NOC3L: variants seen among roughly 807,000 people sequenced by gnomAD.
NOC3L encodes nucleolar complex protein 3 homolog.
NOC3L carries 85 observed loss-of-function variants against 102.5 expected under a neutral mutation model. The ratio of observed to expected loss-of-function variants is 0.83; its 90% CI spans 0.70 to 0.99. The LOEUF (loss-of-function observed/expected upper bound fraction) is 0.99, where lower values mean the gene tolerates loss of function less well. NOC3L is among the 50% of genes least tolerant of loss of function. NOC3L has a pLI of 0.00. For synonymous variants in NOC3L, 303 were observed against 309.4 expected (o/e 0.98, Z 0.22); for missense variants, 878 against 914.9 (o/e 0.96, Z 0.52).
chr10:94,362,699 T>G, intron 1 of NOC3L, 131 bp downstream of exon 1: 5 of 936,108 alleles, frequency 5.3e-6, no homozygotes, highest in Middle Eastern at 5.7e-4. Context: ...GTGTAAGGAA[T>G]GGAAAGCCCC....
At chr10:94,337,464 T>A (rs1296094887) in intron 19 of NOC3L, among the ~76,000 whole-genome samples, 1 of 152,194 alleles carries the variant, frequency 6.6e-6, no homozygotes, top group East Asian at 1.9e-4. Context: ...TATTCATTGT[T>A]GAACCTGAGT....
chr10:94,344,111 T>C (rs569526662), intron 13 of NOC3L, among the ~76,000 whole-genome samples: 2 of 152,130 alleles, frequency 1.3e-5, no homozygotes, highest in Admixed American at 1.3e-4. Context: ...ACTCAAACTA[T>C]GACGATGGGC....
At chr10:94,326,744 A>G in the NOC3L span, among the ~76,000 whole-genome samples, 1 of 152,158 alleles carries the variant, frequency 6.6e-6, no homozygotes, top group African/African-American at 2.4e-5. Flanking sequence ...TTTAGATTCT[A>G]TTGTCCTGTA....
At chr10:94,354,937 A>G in intron 6 of NOC3L, 26 bp downstream of exon 6, 1 of 1,607,434 alleles carries the variant, frequency 6.2e-7, no homozygotes, top group Non-Finnish European at 8.5e-7. Context: ...TAATACAAAG[A>G]GCCTAAAGAA....
At chr10:94,346,391 AT>A in intron 11 of NOC3L, 33 bp downstream of exon 11, 1 of 1,416,608 alleles carries the variant, frequency 7.1e-7, no homozygotes, top group Non-Finnish European at 9.4e-7. Context: ...TAAACAGAAA[AT>A]TTAAATGAAA....
At chr10:94,361,377 T>G in intron 2 of NOC3L, 1 of 387,838 alleles carries the variant, frequency 2.6e-6, no homozygotes, top group Non-Finnish European at 4.6e-6. Context: ...CCAATATTTA[T>G]GTAACGGAGT....
At chr10:94,360,043 C>A (rs980726719) in intron 2 of NOC3L, among the ~76,000 whole-genome samples, 1 of 152,120 alleles carries the variant, frequency 6.6e-6, no homozygotes, top group Non-Finnish European at 1.5e-5. Flanking sequence ...CGGGGCCAGG[C>A]GCGGTGGCTC....
intron 18 of NOC3L, among the ~76,000 whole-genome samples, chr10:94,338,313 C>T (rs141326264): frequency 5.3e-5 from 8 of 152,278 alleles, no homozygotes; most frequent in African/African-American, 1.9e-4. Context: ...ATAACAAATC[C>T]TCTGAAGAGT....
At chr10:94,328,919 T>C (rs563194590), downstream of NOC3L, 7 of 152,338 alleles carry the variant, frequency 4.6e-5, no homozygotes, top group African/African-American at 1.4e-4. Context: ...TGAATTGCAA[T>C]GTCTTAACAA....
the NOC3L span, chr10:94,316,667 G>A: frequency 6.2e-7 from 1 of 1,613,550 alleles, no homozygotes; most frequent in Non-Finnish European, 8.5e-7. Context: ...GAGAGCCATT[G>A]GTCCAGAAGA....
At chr10:94,328,162 C>G in the NOC3L span, 48 of 296,342 alleles carry the variant, frequency 1.6e-4, no homozygotes, top group East Asian at 3.8e-3. Flanking sequence ...GCCCAGGGGA[C>G]TGCCATTTTA....
chr10:94,362,774 C>T, intron 1 of NOC3L, 56 bp downstream of exon 1: 4 of 1,599,008 alleles, frequency 2.5e-6, no homozygotes, highest in Non-Finnish European at 2.6e-6. Context: ...CAGGCAGTGA[C>T]TCTATCACCC....
rs1294736181 is a variant in NOC3L, at chr10:94,352,348, T to G, written c.914A>C (p.Tyr305Ser). 6.2e-7 allele frequency: 1 copy of G among 1,613,842 alleles called. No individual in the cohort carries two copies. The highest frequency in any genetic ancestry group is 1.7e-4 in the Middle Eastern group (1 of 6,036). ...REFEEGLVSQYKFYLENLEQM... is the reference protein window; with the variant it reads ...REFEEGLVSQSKFYLENLEQM... Reference sequence around the variant, plus strand: ...TTCCAGATTTTCCAAATAAAACTTGTATTGGCTAACCAGGCCTTCTTCAAA... The same window carrying G: ...TTCCAGATTTTCCAAATAAAACTTGGATTGGCTAACCAGGCCTTCTTCAAA... Residue 305 changes from tyrosine (Y) to serine (S), a missense_variant, in exon 8 of 21, where the codon TAC becomes TCC. By Grantham distance (144) the Tyr-to-Ser change is moderately radical. Coordinates refer to ENST00000371361, the MANE Select transcript of NOC3L (RefSeq NM_022451.11).
chr10:94,334,406 T>G, intron 20 of NOC3L, 101 bp from the exon 21 acceptor site: 1 of 726,300 alleles, frequency 1.4e-6, no homozygotes, highest in South Asian at 1.7e-5. Flanking sequence ...CACCAACACA[T>G]GCAACACAAT....
chr10:94,317,145 T>C, the NOC3L span, among the ~76,000 whole-genome samples: 1 of 151,836 alleles, frequency 6.6e-6, no homozygotes, highest in Non-Finnish European at 1.5e-5. Flanking sequence ...CAGCTACTCA[T>C]GAGGGAGGCT....
chr10:94,318,456 G>T, the NOC3L span, among the ~76,000 whole-genome samples: 2 of 152,206 alleles, frequency 1.3e-5, no homozygotes, highest in Non-Finnish European at 2.9e-5. Context: ...CAAACACTAT[G>T]TTGAATGATA....
chr10:94,338,117 A>G (rs1453339340), intron 18 of NOC3L, among the ~76,000 whole-genome samples: 1 of 152,226 alleles, frequency 6.6e-6, no homozygotes, highest in Non-Finnish European at 1.5e-5. Flanking sequence ...ATAAATAGAA[A>G]AATCAAAAAG....
chr10:94,316,116 A>C, the NOC3L span, among the ~76,000 whole-genome samples: 1 of 152,204 alleles, frequency 6.6e-6, no homozygotes, highest in South Asian at 2.1e-4. Flanking sequence ...CTTAGACCAC[A>C]TGAGAACCTA....
the NOC3L span, among the ~76,000 whole-genome samples, chr10:94,327,065 G>A: frequency 2.6e-5 from 4 of 152,182 alleles, no homozygotes; most frequent in Non-Finnish European, 5.9e-5. Context: ...GGGAGGCTGA[G>A]GCAGGAGAAT....
Sources: allele counts gnomAD v4.1 joint callset (sites outside exome capture counted in the v4.1 genomes callset), GRCh38; gene constraint gnomAD v4.1.1; transcripts MANE v1.5; gene names NCBI Gene and HGNC (gene_info 2026-07-23, HGNC 2026-07-21).